Variants in MEGF10 observed in about 807,000 individuals in gnomAD.
The protein encoded by MEGF10 is multiple epidermal growth factor-like domains protein 10.
Under a neutral mutation model 147.5 loss-of-function variants are expected in MEGF10, and 86 were observed. The observed-to-expected ratio is 0.58, with a 90% CI of 0.49 to 0.70. The LOEUF (loss-of-function observed/expected upper bound fraction) is 0.70. Ranked by LOEUF, MEGF10 falls within the 30% of genes least tolerant of loss-of-function variation. MEGF10 has a pLI of 0.00. For missense variants in MEGF10, 1,329 were observed against 1,487.3 expected (o/e 0.89, Z 1.75); for synonymous variants, 478 against 525.5 (o/e 0.91, Z 1.24).
At chr5:127,242,966 A>G in the MEGF10 span, among the ~76,000 whole-genome samples, 1 of 152,166 alleles carries the variant, frequency 6.6e-6, no homozygotes, top group Non-Finnish European at 1.5e-5. Flanking sequence ...ATGTATGTTT[A>G]TGGACTGTAC....
At chr5:127,392,480 G>C (rs1194235753) in intron 5 of MEGF10, among the ~76,000 whole-genome samples, 1 of 152,084 alleles carries the variant, frequency 6.6e-6, no homozygotes, top group Non-Finnish European at 1.5e-5. Context: ...TATGTTTTCC[G>C]TTGTACCTAA....
chr5:127,412,423 A>T (rs1764609076), intron 9 of MEGF10, among the ~76,000 whole-genome samples: 1 of 152,214 alleles, frequency 6.6e-6, no homozygotes, highest in Admixed American at 6.5e-5. Context: ...TTCAAACCAA[A>T]AGGCATAGAA....
chr5:127,246,809 TA>T, the MEGF10 span, among the ~76,000 whole-genome samples: 2 of 143,394 alleles, frequency 1.4e-5, no homozygotes, highest in African/African-American at 5.1e-5. Context: ...TATAAATATT[TA>T]AAATAATAGA....
intron 7 of MEGF10, 56 bp from the exon 8 acceptor site, chr5:127,402,490 A>G (rs918567274): frequency 3.8e-6 from 6 of 1,568,706 alleles, no homozygotes; most frequent in African/African-American, 1.4e-5. Context: ...TTCATCCATC[A>G]GTTGTCTTTC....
intron 4 of MEGF10, among the ~76,000 whole-genome samples, chr5:127,343,742 G>A (rs377448341): frequency 6.6e-6 from 1 of 151,944 alleles, no homozygotes; most frequent in Non-Finnish European, 1.5e-5. Flanking sequence ...GTTGAGCCCA[G>A]GCATTCGAGA....
chr5:127,338,630 C>G (rs11951920), intron 2 of MEGF10, among the ~76,000 whole-genome samples: 5,401 of 152,074 alleles, frequency 0.036, 308 homozygotes, highest in African/African-American at 0.12. Flanking sequence ...TCAAATTATT[C>G]CAAGTTCCAA....
At chr5:127,320,560 T>C (rs902133333) in intron 1 of MEGF10, among the ~76,000 whole-genome samples, 19 of 152,200 alleles carry the variant, frequency 1.2e-4, no homozygotes, top group African/African-American at 4.3e-4. Context: ...GGGATTTGGG[T>C]TGTGGCTTTG....
intron 4 of MEGF10, among the ~76,000 whole-genome samples, chr5:127,358,237 C>A (rs1308544700): frequency 1.3e-5 from 2 of 152,022 alleles, no homozygotes; most frequent in Non-Finnish European, 1.5e-5. Context: ...GTGGAAAGAA[C>A]ATGAGGGCAC....
Position 127,445,597 on chromosome 5 carries a change from A to G in MEGF10, c.2632A>G (p.Ile878Val), listed in dbSNP as rs911086545. The G allele has an allele frequency of 2.5e-6, 4 of 1,613,900 alleles. No homozygotes were observed. The African/African-American group carries it at 5.3e-5, about 22-fold the overall frequency. Residue 878 changes from isoleucine to valine, a missense_variant, in exon 20 of 25, where the codon ATT becomes GTT. This residue lies in a region of MEGF10 where 343 missense variants were observed against 377.9 expected (regional missense o/e 0.91). Coordinates refer to ENST00000503335, the MANE Select transcript of MEGF10 (RefSeq NM_001256545.2). Reference sequence around the variant, plus strand: ...TCTCTTCCTACTGGCATTGTTCATTATTTATAGACACAAGCAGAAGGGAAA... The same window carrying G: ...TCTCTTCCTACTGGCATTGTTCATTGTTTATAGACACAAGCAGAAGGGAAA... Reference protein sequence around the residue: ...VVLFLLALFIIYRHKQKGKES... With the variant: ...VVLFLLALFIVYRHKQKGKES...
intron 5 of MEGF10, among the ~76,000 whole-genome samples, chr5:127,384,927 A>G (rs967610162): frequency 1.5e-4 from 23 of 152,232 alleles, no homozygotes; most frequent in African/African-American, 5.3e-4. Context: ...GACACACCAC[A>G]GCCTTGTTAG....
intron 4 of MEGF10, among the ~76,000 whole-genome samples, chr5:127,347,013 G>A (rs1761918538): frequency 6.6e-6 from 1 of 152,008 alleles, no homozygotes; most frequent in Non-Finnish European, 1.5e-5. Flanking sequence ...ACAAGATTTT[G>A]ACTGTTTTGC....
Position 127,454,603 on chromosome 5 carries a change from C to T in MEGF10, c.3018C>T (p.Ser1006=). 6.2e-7 allele frequency: 1 copy of T among 1,606,968 alleles called. No individual in the cohort carries two copies. The highest frequency in any genetic ancestry group is 1.3e-5 in the African/African-American group (1 of 74,532). Residue 1006 remains serine, a synonymous_variant, in exon 23 of 25, where the codon TCC becomes TCT. Transcript: ENST00000503335. The part of the protein sequence containing the change: ...FGLDRSYMGK[S]LKDLGKNSEY... ...TTGACAGAAGCTATATGGGAAAATCCTTAAAAGGTATCATGTAAATTTGAA... is the reference window on the plus strand; with the variant it reads ...TTGACAGAAGCTATATGGGAAAATCTTTAAAAGGTATCATGTAAATTTGAA...
At chr5:127,435,114 A>G (rs899903923) in intron 15 of MEGF10, among the ~76,000 whole-genome samples, 2 of 152,204 alleles carry the variant, frequency 1.3e-5, no homozygotes, top group African/African-American at 4.8e-5. Context: ...TCCCAGAGCA[A>G]GAAGTCGTGA....
intron 21 of MEGF10, among the ~76,000 whole-genome samples, chr5:127,448,073 AGCCGT>A (rs1766016294): frequency 5.9e-5 from 9 of 152,330 alleles, no homozygotes; most frequent in Admixed American, 5.9e-4. Context: ...TAGCAGAATC[AGCCGT>A]GGGCAAAATC....
At chr5:127,445,282 C>T (rs775732027) in intron 19 of MEGF10, 175 bp from the exon 20 acceptor site, 9 of 612,118 alleles carry the variant, frequency 1.5e-5, no homozygotes, top group African/African-American at 3.7e-5. Context: ...ATGGATAGGC[C>T]GACAACATCT....
chr5:127,264,814 C>CT, the MEGF10 span, among the ~76,000 whole-genome samples: 6 of 151,474 alleles, frequency 4.0e-5, no homozygotes, highest in South Asian at 6.3e-4. Flanking sequence ...AAATTTCCAA[C>CT]TTTTTTTTTC....
At chr5:127,383,313 A>T (rs900762617) in intron 5 of MEGF10, among the ~76,000 whole-genome samples, 3 of 152,136 alleles carry the variant, frequency 2.0e-5, no homozygotes, top group Admixed American at 2.0e-4. Context: ...GCATTCCATT[A>T]TATTAGCAGA....
At chr5:127,301,385 G>C (rs574831070) in intron 1 of MEGF10, among the ~76,000 whole-genome samples, 1 of 151,872 alleles carries the variant, frequency 6.6e-6, no homozygotes, top group Admixed American at 6.6e-5. Context: ...GGAGAAAATA[G>C]GAGCATTTTT....
At chr5:127,335,125 G>A (rs1213790033) in intron 2 of MEGF10, among the ~76,000 whole-genome samples, 2 of 152,140 alleles carry the variant, frequency 1.3e-5, no homozygotes, top group African/African-American at 4.8e-5. Flanking sequence ...AAAGAGTTTT[G>A]CCTCTGAATG....
Sources: gnomAD v4.1 joint callset for allele counts (sites outside exome capture counted in the v4.1 genomes callset) on GRCh38, gnomAD v4.1.1 for gene constraint, gnomAD v4.1.1 regional missense constraint, MANE v1.5 for transcripts, NCBI Gene and HGNC (gene_info 2026-07-23, HGNC 2026-07-21) for gene names.